Variants in UBAP2L observed in about 807,000 individuals in gnomAD.
UBAP2L encodes the protein ubiquitin associated protein 2 like, also known as ubiquitin-associated protein 2-like.
In UBAP2L, 12 loss-of-function variants were observed where a neutral mutation model predicts 130.6. The observed-to-expected ratio is 0.09, with a 90% CI of 0.06 to 0.15. The LOEUF (loss-of-function observed/expected upper bound fraction) is 0.15, where lower values mean the gene tolerates loss of function less well. UBAP2L is among the 10% of genes least tolerant of loss of function. UBAP2L has a pLI of 1.00. For missense variants in UBAP2L, 965 were observed against 1,332.5 expected, an observed-to-expected ratio of 0.72 and a Z score of 4.29; for synonymous variants, 503 against 524.7, an observed-to-expected ratio of 0.96 and a Z score of 0.57.
chr1:154,268,977 C>G (rs745715474), intron 26 of UBAP2L, 23 bp downstream of exon 26: 2 of 1,612,040 alleles, frequency 1.2e-6, no homozygotes, highest in East Asian at 4.5e-5. Flanking sequence ...CCCCTTCTCT[C>G]CTTTCCCTTC....
At chr1:154,246,161 TGTTCAG>T in intron 10 of UBAP2L, 37 bp from the exon 11 acceptor site, 1 of 1,534,736 alleles carries the variant, frequency 6.5e-7, no homozygotes, top group Non-Finnish European at 8.8e-7. Context: ...AATGTTAGCG[TGTTCAG>T]TCATTCTTCA....
intron 16 of UBAP2L, 68 bp downstream of exon 16, chr1:154,254,958 T>C: frequency 6.5e-7 from 1 of 1,548,602 alleles, no homozygotes. Flanking sequence ...TGATAATCCA[T>C]TAGTTCCCTT....
At chr1:154,253,459 A>C (rs1209791166) in intron 14 of UBAP2L, among the ~76,000 whole-genome samples, 1 of 142,188 alleles carries the variant, frequency 7.0e-6, no homozygotes, top group African/African-American at 2.7e-5. Flanking sequence ...ATCTCGGCTC[A>C]CTGCAAGCTG....
At chr1:154,225,619 A>G (rs1427464667) in intron 2 of UBAP2L, among the ~76,000 whole-genome samples, 2 of 152,050 alleles carry the variant, frequency 1.3e-5, no homozygotes, top group African/African-American at 2.4e-5. Flanking sequence ...ACCAGTGCAC[A>G]CTACCATGCC....
upstream of UBAP2L, chr1:154,220,306 T>C (rs143438903): frequency 4.5e-5 from 73 of 1,612,398 alleles, no homozygotes; most frequent in Middle Eastern, 1.6e-4. Flanking sequence ...CTGGGTAAGA[T>C]GCGACAGCAG....
chr1:154,253,826 C>T lies in UBAP2L; in HGVS notation c.1665-74C>T, dbSNP rs897002651. On this transcript the variant is annotated intron_variant, in intron 14 of 26. Transcript: ENST00000428931. ...AAATCAAGTTATTCCACTAGTAGAT[C>T]TCCACGATTTCCTTAGTATGAGTAG... 9 of 1,447,940 alleles carry T rather than the reference C, an allele frequency of 6.2e-6. No individual in the cohort carries two copies. In the African/African-American group the frequency reaches 1.1e-4, roughly 18 times the overall value. 89.7% of individuals were successfully genotyped at this position (1,447,940 alleles called of 1,614,324 possible).
intron 20 of UBAP2L, chr1:154,257,849 GTGTA>G (rs1680163525): frequency 5.4e-6 from 1 of 186,598 alleles, no homozygotes; most frequent in African/African-American, 2.4e-5. Flanking sequence ...TGCGTACAAT[GTGTA>G]TGTATATGTG....
intron 18 of UBAP2L, among the ~76,000 whole-genome samples, chr1:154,256,768 G>C (rs1679818435): frequency 6.6e-6 from 1 of 152,202 alleles, no homozygotes; most frequent in Non-Finnish European, 1.5e-5. Flanking sequence ...TCCTTTATCA[G>C]CCAGTGTTAG....
intron 11 of UBAP2L, among the ~76,000 whole-genome samples, chr1:154,246,713 C>G (rs922850953): frequency 2.6e-5 from 4 of 152,196 alleles, no homozygotes; most frequent in Non-Finnish European, 5.9e-5. Context: ...CCTCATTAAA[C>G]TATGATGGGA....
At chr1:154,224,974 G>C in intron 1 of UBAP2L, 110 bp from the exon 2 acceptor site, 1 of 642,306 alleles carries the variant, frequency 1.6e-6, no homozygotes, top group South Asian at 2.0e-5. Context: ...GAATCTTATT[G>C]ATTTGTTCCT....
chr1:154,228,128 G>C (rs889563810), intron 3 of UBAP2L, among the ~76,000 whole-genome samples: 5 of 151,874 alleles, frequency 3.3e-5, no homozygotes, highest in African/African-American at 9.7e-5. Flanking sequence ...CGGGGGTTGG[G>C]GGGGTGGTTC....
rs1667522999 is a variant in UBAP2L, at chr1:154,225,218, A to G, written c.90+5A>G. 2.5e-6 allele frequency: 4 copies of G among 1,613,840 alleles called. No homozygotes were observed. The highest frequency in any genetic ancestry group is 1.7e-5 in the Admixed American group (1 of 59,994). On this transcript the variant is annotated splice_donor_5th_base_variant and intron_variant, in intron 2 of 26. Coordinates refer to ENST00000428931, the MANE Select transcript of UBAP2L (RefSeq NM_014847.4). ...CAGCACAAGCAGCGGCCACAGGTAA[A>G]TAATCCAAGGCATACGGATTCATGG...
intron 10 of UBAP2L, among the ~76,000 whole-genome samples, chr1:154,245,758 CA>C (rs752483138): frequency 0.033 from 4,683 of 142,908 alleles, 101 homozygotes; most frequent in Non-Finnish European, 0.049. Flanking sequence ...ATTAAAAATA[CA>C]AAAAAAAAAA....
In UBAP2L at chr1:154,270,334, G is replaced by C; in HGVS notation, c.*39G>C. 2.5e-6 allele frequency: 4 copies of C among 1,613,188 alleles called. No homozygotes were observed. The highest frequency in any genetic ancestry group is 3.4e-6 in the Non-Finnish European group (4 of 1,179,762). ...TTCTCCCGGTCCCATCTTCTGAGAG[G>C]GCTTCTCAGCCTGGAAACTATGGAA... On this transcript the variant is annotated 3_prime_UTR_variant, in exon 27 of 27. Transcript: ENST00000428931.
chr1:154,247,746 T>A (rs2148831631), intron 11 of UBAP2L, among the ~76,000 whole-genome samples: 1 of 152,172 alleles, frequency 6.6e-6, no homozygotes, highest in Non-Finnish European at 1.5e-5. Flanking sequence ...AAATTTTTTT[T>A]AAATAAAAAT....
chr1:154,235,095 A>G (rs1281780492), intron 5 of UBAP2L, 101 bp from the exon 6 acceptor site: 4 of 678,194 alleles, frequency 5.9e-6, no homozygotes, highest in South Asian at 5.1e-5. Context: ...CATATTACAT[A>G]CCATTTATAT....
intron 17 of UBAP2L, 121 bp from the exon 18 acceptor site, chr1:154,255,562 T>C (rs749365566): frequency 1.6e-6 from 2 of 1,267,942 alleles, no homozygotes; most frequent in Admixed American, 1.8e-5. Context: ...GCTTAACATA[T>C]GATCTCAGAC....
chr1:154,246,182 G>A (rs1279083878), intron 10 of UBAP2L, 22 bp from the exon 11 acceptor site: 1 of 1,587,842 alleles, frequency 6.3e-7, no homozygotes, highest in Non-Finnish European at 8.6e-7. Flanking sequence ...TCTTCATGAA[G>A]ATCCCTTCCC....
At chr1:154,220,579 C>G (rs1019614001), upstream of UBAP2L, 7 of 658,958 alleles carry the variant, frequency 1.1e-5, no homozygotes, top group Non-Finnish European at 2.7e-6. Context: ...GGCAGGAGAG[C>G]TGGGAAAGGA....
Sources: gnomAD v4.1 joint callset for allele counts (sites outside exome capture counted in the v4.1 genomes callset) on GRCh38, gnomAD v4.1.1 for gene constraint, MANE v1.5 for transcripts, NCBI Gene and HGNC (gene_info 2026-07-23, HGNC 2026-07-21) for gene names.